FCRL6: variants seen among roughly 807,000 people sequenced by gnomAD.
The protein encoded by FCRL6 is Fc receptor-like protein 6.
In FCRL6, 50 loss-of-function variants were observed where a neutral mutation model predicts 49.1. The ratio of observed to expected loss-of-function variants is 1.02; its 90% CI spans 0.81 to 1.29. FCRL6 has a LOEUF of 1.29. Among genes scored for constraint, FCRL6 ranks in the 50% most tolerant of loss-of-function variants. The pLI is 0.00. For missense variants in FCRL6, 571 were observed against 518.5 expected (o/e 1.10, Z -0.98); for synonymous variants, 213 against 199.6 (o/e 1.07, Z -0.57).
chr1:159,813,586 C>T, intron 7 of FCRL6, 32 bp downstream of exon 7: 1 of 1,595,214 alleles, frequency 6.3e-7, no homozygotes, highest in Non-Finnish European at 8.6e-7. Context: ...GTGGTGTGCC[C>T]ATGTGGGCCA....
chr1:159,804,160 C>A (rs913436068), intron 1 of FCRL6, among the ~76,000 whole-genome samples: 4 of 152,212 alleles, frequency 2.6e-5, no homozygotes, highest in Non-Finnish European at 5.9e-5. Flanking sequence ...GGGTCCCATA[C>A]AGCCCTCCCA....
intron 1 of FCRL6, among the ~76,000 whole-genome samples, chr1:159,806,048 T>C (rs1035854585): frequency 5.9e-5 from 9 of 152,236 alleles, no homozygotes; most frequent in Non-Finnish European, 1.2e-4. Context: ...GGCACAGGTC[T>C]TGGGCATAGA....
upstream of FCRL6, among the ~76,000 whole-genome samples, chr1:159,800,911 A>G (rs939327360): frequency 6.6e-6 from 1 of 152,224 alleles, no homozygotes; most frequent in African/African-American, 2.4e-5. Flanking sequence ...CTGTAATCCC[A>G]GCTACATGGG....
upstream of FCRL6, chr1:159,800,531 A>G: frequency 1.4e-6 from 2 of 1,438,374 alleles, no homozygotes; most frequent in Non-Finnish European, 1.9e-6. Context: ...CAGGACCTGC[A>G]GCTGAACGAA....
In FCRL6 at chr1:159,816,147, G is replaced by A. The variant is rs538225058; in HGVS notation, c.*486G>A. On this transcript the variant is annotated 3_prime_UTR_variant, in exon 10 of 10. Transcript: ENST00000368106. ...TTCTCACGCGTTTGTGGTGATGCTGGTACAAACAAGCTACAGCGCCGCTAG... is the reference window on the plus strand; with the variant it reads ...TTCTCACGCGTTTGTGGTGATGCTGATACAAACAAGCTACAGCGCCGCTAG... The A allele has an allele frequency of 3.6e-4, 62 of 172,452 alleles. No homozygotes were observed. Among genetic ancestry groups the A allele is most frequent in the African/African-American group, 1.3e-3 (56 of 42,432 alleles). 10.7% of individuals were successfully genotyped at this position (172,452 alleles called of 1,614,324 possible). A position where few individuals can be genotyped will look rare whatever the true frequency, so the allele number is the denominator to read the frequency against.
chr1:159,809,019 C>A lies in FCRL6; in HGVS notation c.378C>A (p.Ser126Arg). The A allele has an allele frequency of 6.2e-7, 1 of 1,614,002 alleles. No homozygotes were observed. Among genetic ancestry groups the A allele is most frequent in the African/African-American group, 1.3e-5 (1 of 75,022 alleles). The change falls in exon 4 of 10, where the codon AGC becomes AGA. Residue 126 changes from serine to arginine, a missense_variant. Transcript: ENST00000368106. Reference protein sequence around the residue: ...AIPSPEPREGSLVTLRCQTKL... With the variant: ...AIPSPEPREGRLVTLRCQTKL... ...CCTCTCCTGAGCCCCGAGAGGGTAG[C>A]CTGGTGACCCTGAGATGTCAGACAA...
At chr1:159,810,980 T>C (rs978114380) in intron 6 of FCRL6, among the ~76,000 whole-genome samples, 5 of 152,216 alleles carry the variant, frequency 3.3e-5, no homozygotes, top group Non-Finnish European at 5.9e-5. Context: ...CCCCAGCAGG[T>C]TCCCAGGCTG....
upstream of FCRL6, chr1:159,802,206 A>G (rs1662376723): frequency 1.9e-6 from 1 of 525,642 alleles, no homozygotes. Context: ...CTTAGTGTTC[A>G]GGAAAATTTA....
At chr1:159,814,353 G>C in intron 8 of FCRL6, 61 bp downstream of exon 8, 4 of 1,200,706 alleles carry the variant, frequency 3.3e-6, no homozygotes, top group Non-Finnish European at 5.0e-6. Context: ...CCTACAATGA[G>C]AGTATCACTA....
chr1:159,810,594 CCTCT>C (rs1162136600), intron 6 of FCRL6, among the ~76,000 whole-genome samples: 3 of 151,582 alleles, frequency 2.0e-5, no homozygotes, highest in South Asian at 4.2e-4. Context: ...AAGGCCTCCA[CCTCT>C]CTCTCTCATT....
At position 159,815,613 on chromosome 1, in the gene FCRL6, C is replaced by G. The variant is rs1234729875; in HGVS notation, c.1257C>G (p.Ser419Arg). ...CATCCACGGAGGTGAATATGAGAAG[C>G]AGGACTCTCCAAGAACCCCTTAGCG... ...EVSSTEVNMR[S>R]RTLQEPLSDC... The change falls in exon 10 of 10, where the codon AGC (serine) becomes AGG (arginine). Residue 419 changes from serine to arginine, a missense_variant. Physicochemically the swap from Ser to Arg is moderately radical, Grantham distance 110. Transcript: ENST00000368106. The G allele has an allele frequency of 1.2e-6, 2 of 1,614,182 alleles. No homozygotes were observed. The highest frequency in any genetic ancestry group is 1.7e-6 in the Non-Finnish European group (2 of 1,180,022).
Position 159,809,008 on chromosome 1 carries a change from C to G in FCRL6, c.367C>G (p.Arg123Gly), listed in dbSNP as rs145922130. ...VLSAIPSPEP[R>G]EGSLVTLRCQ... The stretch of plus-strand genomic sequence containing the variant: ...GAGTGCCATCCCCTCTCCTGAGCCC[C>G]GAGAGGGTAGCCTGGTGACCCTGAG... The change falls in exon 4 of 10, where the codon CGA (arginine) becomes GGA (glycine). Residue 123 changes from arginine to glycine, a missense_variant. Arg to Gly is a moderately radical substitution (Grantham distance 125). Coordinates refer to ENST00000368106, the MANE Select transcript of FCRL6 (RefSeq NM_001004310.3). 6.2e-6 allele frequency: 10 copies of G among 1,613,748 alleles called. No individual in the cohort carries two copies. Among genetic ancestry groups the G allele is most frequent in the Non-Finnish European group, 6.8e-6 (8 of 1,179,834 alleles).
intron 6 of FCRL6, among the ~76,000 whole-genome samples, chr1:159,811,975 C>A (rs1447896015): frequency 6.6e-6 from 1 of 152,144 alleles, no homozygotes; most frequent in African/African-American, 2.4e-5. Flanking sequence ...CCTCCCCAGC[C>A]CCAGACGAGA....
chr1:159,804,403 C>T (rs1431388742), intron 1 of FCRL6, among the ~76,000 whole-genome samples: 1 of 152,252 alleles, frequency 6.6e-6, no homozygotes, highest in Non-Finnish European at 1.5e-5. Context: ...CCCGATCCCT[C>T]AGAAACTTTA....
In FCRL6 at chr1:159,808,233, T is replaced by A. The variant is rs368990639; in HGVS notation, c.108T>A (p.Thr36=). The A allele has an allele frequency of 6.2e-7, 1 of 1,613,812 alleles. No homozygotes were observed. The highest frequency in any genetic ancestry group is 8.5e-7 in the Non-Finnish European group (1 of 1,179,804). ...CTGTGTTTGAAGGAGATGCCCTGAC[T>A]CTGCGATGTCAGGGATGGAAGAATA... The part of the protein sequence containing the change: ...PNPVFEGDAL[T]LRCQGWKNTP... The change falls in exon 3 of 10, where the codon ACT becomes ACA. Residue 36 remains threonine, a synonymous_variant. Transcript: ENST00000368106.
At position 159,810,151 on chromosome 1, in the gene FCRL6, G is replaced by A. The variant is rs769307259; in HGVS notation, c.944G>A (p.Ser315Asn). Reference protein sequence around the residue: ...SNWLVPWLPASLLGLMVIAAA... With the variant: ...SNWLVPWLPANLLGLMVIAAA... Reference sequence around the variant, plus strand: ...TGGCTGGTTCCTTGGCTTCCTGCGAGCCTGCTTGGCCTGATGGTTATTGCT... The same window carrying A: ...TGGCTGGTTCCTTGGCTTCCTGCGAACCTGCTTGGCCTGATGGTTATTGCT... Residue 315 changes from serine to asparagine, a missense_variant, in exon 6 of 10, where the codon AGC becomes AAC. Transcript: ENST00000368106. 3 of 1,613,960 alleles carry A rather than the reference G, an allele frequency of 1.9e-6. No homozygotes were observed. Among genetic ancestry groups the A allele is most frequent in the Non-Finnish European group, 1.7e-6 (2 of 1,179,930 alleles).
At chr1:159,801,964 T>C (rs1356394599), upstream of FCRL6, among the ~76,000 whole-genome samples, 1 of 151,952 alleles carries the variant, frequency 6.6e-6, no homozygotes, top group Non-Finnish European at 1.5e-5. Flanking sequence ...AGACAGGAGC[T>C]CCTTGGAAGC....
Position 159,815,752 on chromosome 1 carries a change from T to C in FCRL6, c.*91T>C. 6.6e-7 allele frequency: 1 copy of C among 1,512,470 alleles called. No individual in the cohort carries two copies. The highest frequency in any genetic ancestry group is 9.0e-7 in the Non-Finnish European group (1 of 1,106,650). The allele number at this position is 1,512,470 out of a possible 1,614,324, so 93.7% of individuals were successfully genotyped here. A position where few individuals can be genotyped will look rare whatever the true frequency, so the allele number is the denominator to read the frequency against. On this transcript the variant is annotated 3_prime_UTR_variant, in exon 10 of 10. Coordinates refer to ENST00000368106, the MANE Select transcript of FCRL6 (RefSeq NM_001004310.3). ...GGTCCTCAACTCTTTCTGTGGGTCC[T>C]TCAGTTCCCAAGCCCAGCATCACAG...
At chr1:159,803,135 C>G (rs1014439348) in intron 1 of FCRL6, among the ~76,000 whole-genome samples, 7 of 152,214 alleles carry the variant, frequency 4.6e-5, no homozygotes, top group African/African-American at 1.2e-4. Context: ...GTCTCTCTCT[C>G]TCTTCTCTCC....
Sources: allele counts gnomAD v4.1 joint callset (sites outside exome capture counted in the v4.1 genomes callset), GRCh38; gene constraint gnomAD v4.1.1; transcripts MANE v1.5; gene names NCBI Gene and HGNC (gene_info 2026-07-23, HGNC 2026-07-21).